VPS26B: variants seen among roughly 807,000 people sequenced by gnomAD.
VPS26B encodes VPS26 retromer complex component B.
A neutral mutation model predicts 33.3 loss-of-function variants in VPS26B; 10 were observed. The observed-to-expected ratio is 0.30, with a 90% confidence interval of 0.19 to 0.51. VPS26B has a LOEUF of 0.51. VPS26B is among the 20% of genes least tolerant of loss of function. The pLI is 0.98. For synonymous variants in VPS26B, 190 were observed against 176.9 expected, an observed-to-expected ratio of 1.07 and a Z score of -0.59; for missense variants, 317 against 452.7, an observed-to-expected ratio of 0.70 and a Z score of 2.72.
intron 4 of VPS26B, 170 bp downstream of exon 4, chr11:134,243,464 C>T (rs1938764255): frequency 2.6e-6 from 2 of 779,916 alleles, no homozygotes; most frequent in East Asian, 2.7e-5. Flanking sequence ...AAAAGGAAGG[C>T]TGAGTGTGTA....
Position 134,246,987 on chromosome 11 carries a change from G to A in VPS26B, c.*1397G>A, listed in dbSNP as rs1252875018. The A allele has an allele frequency of 6.6e-6, 1 of 152,118 alleles. No homozygotes were observed. The highest frequency in any genetic ancestry group is 1.5e-5 in the Non-Finnish European group (1 of 68,048). The allele number at this position is 152,118 out of a possible 1,614,324, so 9.4% of individuals were successfully genotyped here. A position where few individuals can be genotyped will look rare whatever the true frequency, so the allele number is the denominator to read the frequency against. ...GTCTGAGTTCTCAGTAATTTGGAAA[G>A]TTAAGGAGTTGGTTCCTGTGTCACC... On this transcript the variant is annotated 3_prime_UTR_variant, in exon 6 of 6. Coordinates refer to ENST00000281187, the MANE Select transcript of VPS26B (RefSeq NM_052875.5).
At chr11:134,229,092 C>A (rs373441246) in intron 1 of VPS26B, among the ~76,000 whole-genome samples, 1 of 152,170 alleles carries the variant, frequency 6.6e-6, no homozygotes, top group Non-Finnish European at 1.5e-5. Flanking sequence ...TGCAGTGCCA[C>A]GATCACAGCT....
intron 1 of VPS26B, among the ~76,000 whole-genome samples, chr11:134,229,601 C>T (rs943444916): frequency 5.3e-5 from 8 of 152,222 alleles, no homozygotes; most frequent in African/African-American, 1.9e-4. Flanking sequence ...CCTCCTCCCA[C>T]ACATGCAGTT....
Position 134,224,947 on chromosome 11 carries a change from C to A in VPS26B, c.-176C>A, listed in dbSNP as rs1938408437. ...GCCTCCCCCGGCCGTGCCCCTCCCC[C>A]GTGGAGCCGGCTGTCCGTCGGCGCC... On this transcript the variant is annotated 5_prime_UTR_variant, in exon 1 of 6. Transcript: ENST00000281187. 5.8e-6 allele frequency: 2 copies of A among 345,652 alleles called. No individual in the cohort carries two copies. The highest frequency in any genetic ancestry group is 2.2e-5 in the African/African-American group (1 of 45,782). The allele number at this position is 345,652 out of a possible 1,614,324, so 21.4% of individuals were successfully genotyped here.
At position 134,245,179 on chromosome 11, in the gene VPS26B, A is replaced by G; in HGVS notation, c.864+99A>G. On this transcript the variant is annotated intron_variant, in intron 5 of 5. Coordinates refer to ENST00000281187, the MANE Select transcript of VPS26B (RefSeq NM_052875.5). This position sits in a 1 kb window ranked among gnomAD's most constrained non-coding sequence, Gnocchi z 4.7. ...GACTCCATTTTTGCCAAGAGGTGGG[A>G]ACATTAGGTCGCCCACAATTGCACA... is the stretch of plus-strand genomic sequence containing the variant. 1 of 1,497,152 alleles carries G rather than the reference A, an allele frequency of 6.7e-7. No individual in the cohort carries two copies. 92.7% of individuals were successfully genotyped at this position (1,497,152 alleles called of 1,614,324 possible). A position where few individuals can be genotyped will look rare whatever the true frequency, so the allele number is the denominator to read the frequency against.
At chr11:134,229,155 A>T (rs1287855358) in intron 1 of VPS26B, among the ~76,000 whole-genome samples, 1 of 152,088 alleles carries the variant, frequency 6.6e-6, no homozygotes, top group Admixed American at 6.5e-5. Context: ...TCTGCCTCCC[A>T]AGTAGCTGAG....
chr11:134,238,972 TTATTA>T (rs769864361), intron 2 of VPS26B, among the ~76,000 whole-genome samples: 1 of 152,208 alleles, frequency 6.6e-6, no homozygotes, highest in Non-Finnish European at 1.5e-5. Flanking sequence ...AAAATACAAT[TTATTA>T]TATTACATTA....
intron 2 of VPS26B, among the ~76,000 whole-genome samples, chr11:134,236,076 G>A (rs998194462): frequency 2.0e-5 from 3 of 151,946 alleles, no homozygotes; most frequent in Non-Finnish European, 2.9e-5. Context: ...GGTGGTTCAC[G>A]CCTGTGATCC....
At chr11:134,235,407 T>A in intron 2 of VPS26B, 1 of 171,286 alleles carries the variant, frequency 5.8e-6, no homozygotes, top group Non-Finnish European at 1.2e-5. Context: ...GTGATGAGAT[T>A]TTCGCATGTC....
rs779671198 is a variant in VPS26B, at chr11:134,235,015, G to A, written c.342G>A (p.Lys114=). 3.1e-6 allele frequency: 5 copies of A among 1,614,210 alleles called. No individual in the cohort carries two copies. In the Admixed American group the frequency reaches 5.0e-5, roughly 16 times the overall value. ...AFDFEFTHVE[K]PYESYTGQNV... ...ACTTTGAGTTTACCCACGTGGAGAAGCCGTATGAGTCCTACACAGGGCAGA... is the reference window on the plus strand; with the variant it reads ...ACTTTGAGTTTACCCACGTGGAGAAACCGTATGAGTCCTACACAGGGCAGA... Residue 114 remains lysine (K), a synonymous_variant, in exon 2 of 6, where the codon AAG becomes AAA. Coordinates refer to ENST00000281187, the MANE Select transcript of VPS26B (RefSeq NM_052875.5).
rs1025980694 is a variant in VPS26B at position 134,224,725 on chromosome 11, G to A, written c.-398G>A. On this transcript the variant is annotated 5_prime_UTR_variant, in exon 1 of 6. Transcript: ENST00000281187. ...ACCGCCGGAGGCTGGGCAGCTCGCA[G>A]CGCTGCTCGGCGCTGGACCCCACCC... 5.3e-5 allele frequency: 8 copies of A among 151,988 alleles called. No homozygotes were observed. The highest frequency in any genetic ancestry group is 8.8e-5 in the Non-Finnish European group (6 of 68,026). 9.4% of individuals were successfully genotyped at this position (151,988 alleles called of 1,614,324 possible).
rs191816518 is a variant in VPS26B, at chr11:134,242,798, A to G, written c.546-321A>G. ...TGGGACTAGCCTCTCATACATTAGG[A>G]TATCTTTCAAAAACACAAATATAAA... On this transcript the variant is annotated intron_variant, in intron 3 of 5. Coordinates refer to ENST00000281187, the MANE Select transcript of VPS26B (RefSeq NM_052875.5). Among the ~76,000 whole-genome samples the G allele has an allele frequency of 2.6e-4, 39 of 152,362 alleles. No homozygotes were observed. The East Asian group carries it at 7.1e-3, about 28-fold the overall frequency.
intron 2 of VPS26B, among the ~76,000 whole-genome samples, chr11:134,238,163 A>G (rs1480551532): frequency 6.6e-6 from 1 of 152,188 alleles, no homozygotes; most frequent in Non-Finnish European, 1.5e-5. Context: ...CCCAGGCAGC[A>G]GGATTCTTAA....
chr11:134,238,513 G>A (rs1591881471), intron 2 of VPS26B, among the ~76,000 whole-genome samples: 1 of 152,204 alleles, frequency 6.6e-6, no homozygotes, highest in South Asian at 2.1e-4. Context: ...TCCCCAAGAA[G>A]CAGCCAGTGC....
rs767358760 is a variant in VPS26B, at chr11:134,245,650, C to T, written c.*60C>T. 1.4e-5 allele frequency: 22 copies of T among 1,526,920 alleles called. No individual in the cohort carries two copies. The highest frequency in any genetic ancestry group is 2.4e-5 in the South Asian group (2 of 84,450). 94.6% of individuals were successfully genotyped at this position (1,526,920 alleles called of 1,614,324 possible). A position where few individuals can be genotyped will look rare whatever the true frequency, so the allele number is the denominator to read the frequency against. On this transcript the variant is annotated 3_prime_UTR_variant, in exon 6 of 6. Transcript: ENST00000281187. This position sits in a 1 kb window ranked among gnomAD's most constrained non-coding sequence, Gnocchi z 4.7. ...CAGCACCCCCATCTACCAACACCAG[C>T]GGCTGGGGGCGGGGGCGGACCTTGT... is the stretch of plus-strand genomic sequence containing the variant.
chr11:134,241,399 GC>G (rs1337989660), intron 3 of VPS26B, among the ~76,000 whole-genome samples: 3 of 152,194 alleles, frequency 2.0e-5, no homozygotes, highest in African/African-American at 7.2e-5. Context: ...AACCTAGAGG[GC>G]CCCAGGAAAA....
At chr11:134,229,929 C>T (rs564063500) in intron 1 of VPS26B, among the ~76,000 whole-genome samples, 1 of 152,336 alleles carries the variant, frequency 6.6e-6, no homozygotes, top group East Asian at 1.9e-4. Flanking sequence ...ACTCTCACCG[C>T]TTGTGGGTTC....
intron 2 of VPS26B, among the ~76,000 whole-genome samples, chr11:134,238,741 G>A (rs571282962): frequency 4.0e-5 from 6 of 151,850 alleles, no homozygotes; most frequent in Non-Finnish European, 4.4e-5. Context: ...GACTACAGGC[G>A]CCCGCCACCA....
At chr11:134,238,757 G>A (rs1011381684) in intron 2 of VPS26B, among the ~76,000 whole-genome samples, 13 of 151,734 alleles carry the variant, frequency 8.6e-5, no homozygotes, top group Non-Finnish European at 1.8e-4. Context: ...CACCACGCCC[G>A]GCTAATTTTT....
Sources: allele counts gnomAD v4.1 joint callset (sites outside exome capture counted in the v4.1 genomes callset), GRCh38; gene constraint gnomAD v4.1.1; non-coding constraint Gnocchi (gnomAD v3.1); transcripts MANE v1.5; gene names NCBI Gene and HGNC (gene_info 2026-07-23, HGNC 2026-07-21).